NRXN3: variants seen among roughly 807,000 people sequenced by gnomAD.
NRXN3 encodes neurexin 3, also known as neurexin III.
A neutral mutation model predicts 137.6 loss-of-function variants in NRXN3; 32 were observed. The ratio of observed to expected loss-of-function variants is 0.23; its 90% CI spans 0.18 to 0.31. The LOEUF (loss-of-function observed/expected upper bound fraction) is 0.31, where lower values mean the gene tolerates loss of function less well. NRXN3 is among the 10% of genes least tolerant of loss of function. The pLI is 1.00. For synonymous variants in NRXN3, 798 were observed against 784.5 expected (o/e 1.02, Z -0.29); for missense variants, 1,574 against 2,062.5 (o/e 0.76, Z 4.59).
intron 10 of NRXN3, among the ~76,000 whole-genome samples, chr14:78,885,316 C>T (rs2099140438): frequency 6.6e-6 from 1 of 151,354 alleles, no homozygotes; most frequent in Non-Finnish European, 1.5e-5. Context: ...GTAATATTAT[C>T]AGTAATAGAA....
chr14:79,467,417 T>A lies in NRXN3; in HGVS notation c.3444+15T>A. On this transcript the variant is annotated intron_variant, in intron 16 of 20. Transcript: ENST00000335750. ...AGCTTCACATAGTGAGTACAGGGCC[T>A]TGGCCTGGATTTTCTTATGTTACTG... 1 of 1,567,060 alleles carries A rather than the reference T, an allele frequency of 6.4e-7. No homozygotes were observed.
chr14:79,663,379 C>A (rs1165018228), intron 16 of NRXN3, among the ~76,000 whole-genome samples: 2 of 152,016 alleles, frequency 1.3e-5, no homozygotes, highest in African/African-American at 4.8e-5. Context: ...GCTCATATTT[C>A]CACTTTAATT....
chr14:78,463,186 T>C (rs1454793043), intron 4 of NRXN3, among the ~76,000 whole-genome samples: 1 of 152,196 alleles, frequency 6.6e-6, no homozygotes, highest in Admixed American at 6.5e-5. Context: ...ATTTCATTTT[T>C]TTATGTCTGA....
chr14:79,121,744 T>C (rs915061202), intron 15 of NRXN3, among the ~76,000 whole-genome samples: 6 of 152,188 alleles, frequency 3.9e-5, no homozygotes, highest in Admixed American at 2.0e-4. Context: ...ATGTAGCTAA[T>C]GTGGACTGAA....
chr14:78,326,980 A>G (rs11626874), intron 4 of NRXN3, among the ~76,000 whole-genome samples: 79,523 of 151,376 alleles, frequency 0.53, 22,296 homozygotes, highest in African/African-American at 0.73. Context: ...TGTAGAATGG[A>G]CATAATCATA....
intron 16 of NRXN3, among the ~76,000 whole-genome samples, chr14:79,600,746 G>C (rs2097913238): frequency 6.6e-6 from 1 of 152,136 alleles, no homozygotes; most frequent in African/African-American, 2.4e-5. Context: ...CCAGGTCTTT[G>C]CTTCTAATGC....
chr14:79,022,134 A>G (rs372639108), intron 15 of NRXN3, among the ~76,000 whole-genome samples: 2 of 152,184 alleles, frequency 1.3e-5, no homozygotes, highest in African/African-American at 4.8e-5. Context: ...AAATATTGTG[A>G]ACTCAGAATA....
At chr14:78,773,101 G>A (rs1192400103) in intron 8 of NRXN3, among the ~76,000 whole-genome samples, 6 of 152,138 alleles carry the variant, frequency 3.9e-5, no homozygotes, top group Admixed American at 1.3e-4. Context: ...ATTAACACGG[G>A]TTGTTTGCAC....
chr14:79,078,765 A>G (rs1445051713), intron 15 of NRXN3, among the ~76,000 whole-genome samples: 3 of 152,168 alleles, frequency 2.0e-5, no homozygotes, highest in Non-Finnish European at 4.4e-5. Context: ...GAATAGTTAG[A>G]AGTAAAGAAT....
chr14:79,615,240 T>G (rs2153884526), intron 16 of NRXN3, among the ~76,000 whole-genome samples: 1 of 152,322 alleles, frequency 6.6e-6, no homozygotes, highest in South Asian at 2.1e-4. Context: ...GAAATAAATG[T>G]AATGCACTGT....
intron 15 of NRXN3, chr14:79,247,169 C>T (rs2075305692): frequency 6.6e-6 from 1 of 152,054 alleles, no homozygotes; most frequent in Non-Finnish European, 1.5e-5. Flanking sequence ...ATTATATTAT[C>T]TCTTTTTTCT....
intron 17 of NRXN3, among the ~76,000 whole-genome samples, chr14:79,673,592 G>T (rs2098623791): frequency 6.6e-6 from 1 of 152,044 alleles, no homozygotes; most frequent in Non-Finnish European, 1.5e-5. Context: ...CATCACCGGG[G>T]TAGCTCTGAG....
At chr14:79,636,316 T>C (rs1352920484) in intron 16 of NRXN3, among the ~76,000 whole-genome samples, 1 of 152,210 alleles carries the variant, frequency 6.6e-6, no homozygotes, top group Non-Finnish European at 1.5e-5. Flanking sequence ...ACAAATATAT[T>C]GTCACCAATA....
intron 4 of NRXN3, among the ~76,000 whole-genome samples, chr14:78,578,740 G>C (rs529821362): frequency 6.6e-6 from 1 of 152,120 alleles, no homozygotes; most frequent in East Asian, 1.9e-4. Context: ...CTCACTTAGG[G>C]CTGTCTGTGA....
chr14:79,132,994 G>T (rs1191631985), intron 15 of NRXN3, among the ~76,000 whole-genome samples: 1 of 152,178 alleles, frequency 6.6e-6, no homozygotes, highest in Non-Finnish European at 1.5e-5. Context: ...CATGATCTTA[G>T]GCAAGATGGT....
chr14:78,214,670 C>G (rs752137293), intron 1 of NRXN3, among the ~76,000 whole-genome samples: 1 of 152,066 alleles, frequency 6.6e-6, no homozygotes, highest in Non-Finnish European at 1.5e-5. Flanking sequence ...CAAGGCAGAG[C>G]GAGGCACACT....
In NRXN3 at chr14:79,644,482, T is replaced by C. The variant is rs1470198814; in HGVS notation, c.3445-19296T>C. Among the ~76,000 whole-genome samples the C allele has an allele frequency of 1.5e-5, 2 of 135,620 alleles. 1 individual carries two copies. The highest frequency in any genetic ancestry group is 3.4e-5 in the Non-Finnish European group (2 of 58,310). 89.0% of individuals were successfully genotyped at this position (135,620 alleles called of 152,430 possible). On this transcript the variant is annotated intron_variant, in intron 16 of 20. Coordinates refer to ENST00000335750, the MANE Select transcript of NRXN3 (RefSeq NM_001330195.2). Reference sequence around the variant, plus strand: ...ATTTACTTTGTGACTGAAGGAAGTTTATCTGAGGCTTTCCCATTTGTAAAA... The same window carrying C: ...ATTTACTTTGTGACTGAAGGAAGTTCATCTGAGGCTTTCCCATTTGTAAAA...
chr14:79,009,687 C>T (rs139593808), intron 15 of NRXN3, among the ~76,000 whole-genome samples: 2,169 of 152,182 alleles, frequency 0.014, 53 homozygotes, highest in African/African-American at 0.05. Flanking sequence ...GTGATTGAAA[C>T]CCGTCTTATA....
intron 4 of NRXN3, among the ~76,000 whole-genome samples, chr14:78,421,161 G>A (rs2093426513): frequency 6.6e-6 from 1 of 151,950 alleles, no homozygotes; most frequent in African/African-American, 2.4e-5. Context: ...TACTCAGTAG[G>A]CTGAGGCAGG....
Sources: gnomAD v4.1 joint callset for allele counts (sites outside exome capture counted in the v4.1 genomes callset) on GRCh38, gnomAD v4.1.1 for gene constraint, MANE v1.5 for transcripts, NCBI Gene and HGNC (gene_info 2026-07-23, HGNC 2026-07-21) for gene names.